The following PPP1R12C variants were observed in gnomAD, a reference collection of about 807,000 sequenced individuals.
The protein encoded by PPP1R12C is leukocyte receptor cluster (LRC) encoded novel gene 3.
Under a neutral mutation model 95.6 loss-of-function variants are expected in PPP1R12C, and 48 were observed. The ratio of observed to expected loss-of-function variants is 0.50; its 90% CI spans 0.40 to 0.64. The LOEUF is 0.64. PPP1R12C is among the 30% of genes least tolerant of loss of function. The pLI, the probability that PPP1R12C is intolerant of heterozygous loss-of-function variation, is 0.00. For missense variants in PPP1R12C, 1,057 were observed against 1,083.3 expected (o/e 0.98, Z 0.34); for synonymous variants, 480 against 460.8 (o/e 1.04, Z -0.53).
rs1198975515 is a variant in PPP1R12C at position 55,113,538 on chromosome 19, G to C, written c.322-743C>G. 2.2e-6 allele frequency: 3 copies of C among 1,370,004 alleles called. No homozygotes were observed. The Admixed American group carries it at 9.5e-5, about 43-fold the overall frequency. 84.9% of individuals were successfully genotyped at this position (1,370,004 alleles called of 1,614,324 possible). On this transcript the variant is annotated intron_variant, in intron 1 of 21. Coordinates refer to ENST00000263433, the MANE Select transcript of PPP1R12C (RefSeq NM_017607.4). ...TTGGGGGGACAAAAGCCGAAGTCCA[G>C]GGGGTCGGAGGAGGGACTTGCCCCA...
rs766556767 is a variant in PPP1R12C at position 55,098,914 on chromosome 19, C to A, written c.876+37G>T. The A allele has an allele frequency of 5.6e-6, 9 of 1,606,326 alleles. No individual in the cohort carries two copies. In the African/African-American group the frequency reaches 1.2e-4, roughly 21 times the overall value. The stretch of plus-strand genomic sequence containing the variant: ...TGAAGGAGGTGCTGGGCCCTCCCCA[C>A]GCCCTGCCCCTCACCAGCCTGGGCA... On this transcript the variant is annotated intron_variant, in intron 5 of 21. Coordinates refer to ENST00000263433, the MANE Select transcript of PPP1R12C (RefSeq NM_017607.4).
intron 6 of PPP1R12C, among the ~76,000 whole-genome samples, chr19:55,097,552 C>CTG (rs1568809817): frequency 1.2e-4 from 2 of 17,024 alleles, no homozygotes; most frequent in Non-Finnish European, 3.3e-4. Flanking sequence ...CGCCCCTTCC[C>CTG]CACGCAGTTC....
In PPP1R12C at chr19:55,091,523, G is replaced by C. The variant is rs148545697; in HGVS notation, c.2298C>G (p.Leu766=). 1.0e-4 allele frequency: 165 copies of C among 1,613,968 alleles called. No individual in the cohort carries two copies. The Admixed American group carries it at 1.3e-3, about 13-fold the overall frequency. Residue 766 remains leucine (L), a synonymous_variant, in exon 22 of 22, where the codon CTC becomes CTG. Coordinates refer to ENST00000263433, the MANE Select transcript of PPP1R12C (RefSeq NM_017607.4). ...LSDLRADNQR[L]KDENAALIRV... The stretch of plus-strand genomic sequence containing the variant: ...GGATCAACGCTGCATTCTCATCCTT[G>C]AGGCGCTGGTTGTCAGCGCGGAGGT...
Position 55,092,643 on chromosome 19 carries a change from G to C in PPP1R12C, c.1931C>G (p.Ala644Gly). ...GPAEGEEAEP[A>G]DRSQESSTLE... The stretch of plus-strand genomic sequence containing the variant: ...CTACCTGGACTCCTGGCTGCGGTCA[G>C]CCGGCTCCGCCTCCTCCCCCTGTGG... Residue 644 changes from alanine (A) to glycine (G), a missense_variant, in exon 17 of 22, where the codon GCT becomes GGT. Ala to Gly is a moderately conservative substitution (Grantham distance 60). Coordinates refer to ENST00000263433, the MANE Select transcript of PPP1R12C (RefSeq NM_017607.4). 1 of 1,532,610 alleles carries C rather than the reference G, an allele frequency of 6.5e-7. No homozygotes were observed. Among genetic ancestry groups the C allele is most frequent in the South Asian group, 1.3e-5 (1 of 77,786 alleles). 94.9% of individuals were successfully genotyped at this position (1,532,610 alleles called of 1,614,324 possible). A position where few individuals can be genotyped will look rare whatever the true frequency, so the allele number is the denominator to read the frequency against.
At chr19:55,106,908 C>A (rs978449889) in intron 3 of PPP1R12C, among the ~76,000 whole-genome samples, 4 of 152,190 alleles carry the variant, frequency 2.6e-5, no homozygotes, top group African/African-American at 9.7e-5. Flanking sequence ...GCATCACGCA[C>A]AGGGCAAGAG....
chr19:55,107,138 G>A (rs1008679091), intron 3 of PPP1R12C, among the ~76,000 whole-genome samples: 1 of 152,048 alleles, frequency 6.6e-6, no homozygotes, highest in Admixed American at 6.6e-5. Flanking sequence ...ATGTGACCAG[G>A]CACGGTGACT....
In PPP1R12C at chr19:55,092,809, C is replaced by T. The variant is rs2084861903; in HGVS notation, c.1885G>A (p.Gly629Arg). 5.8e-6 allele frequency: 9 copies of T among 1,562,522 alleles called. No homozygotes were observed. Among genetic ancestry groups the T allele is most frequent in the African/African-American group, 1.4e-5 (1 of 73,618 alleles). The change falls in exon 16 of 22, where the codon GGA (glycine) becomes AGA (arginine). Residue 629 changes from glycine (G) to arginine (R), a missense_variant. Physicochemically the swap from Gly to Arg is moderately radical, Grantham distance 125. Coordinates refer to ENST00000263433, the MANE Select transcript of PPP1R12C (RefSeq NM_017607.4). ...PQAAREHRKV[G>R]KEWRGPAEGE... ...TCCGCAGGCCCCCTCCACTCCTTTC[C>T]GACCTTGCGGTGCTCCCTGGCCGCC...
Position 55,092,226 on chromosome 19 carries a change from G to A in PPP1R12C, c.2156C>T (p.Thr719Met). 6.4e-7 allele frequency: 1 copy of A among 1,573,876 alleles called. No homozygotes were observed. Among genetic ancestry groups the A allele is most frequent in the East Asian group, 2.3e-5 (1 of 42,670 alleles). ...AQLKVELERA[T>M]QRQERFAERP... Reference sequence around the variant, plus strand: ...CCCTGGCCTCGGCGCCCTTACCTGCGTGGCCCGCTCCAGCTCCACCTTGAG... The same window carrying A: ...CCCTGGCCTCGGCGCCCTTACCTGCATGGCCCGCTCCAGCTCCACCTTGAG... Residue 719 changes from threonine (T) to methionine (M), a missense_variant, in exon 19 of 22, where the codon ACG becomes ATG. Around this residue, in one of 5 missense-constraint regions of PPP1R12C, gnomAD observed 347 missense variants for 307.9 expected, o/e 1.13. Transcript: ENST00000263433.
chr19:55,096,027 G>C, intron 8 of PPP1R12C, 24 bp downstream of exon 8: 1 of 1,608,846 alleles, frequency 6.2e-7, no homozygotes, highest in African/African-American at 1.3e-5. Flanking sequence ...CTCGGACCCA[G>C]GAGTCCAGAT....
chr19:55,097,272 G>A (rs1228223810), intron 6 of PPP1R12C, among the ~76,000 whole-genome samples: 5 of 91,262 alleles, frequency 5.5e-5, no homozygotes, highest in African/African-American at 1.4e-4. Context: ...CGCGCAGTTC[G>A]CAGTTCACCA....
intron 3 of PPP1R12C, among the ~76,000 whole-genome samples, chr19:55,104,120 G>A (rs1349242225): frequency 2.5e-4 from 33 of 132,440 alleles, no homozygotes; most frequent in African/African-American, 5.5e-4. Context: ...CTGAGATCAC[G>A]CCACTGCACT....
At chr19:55,099,564 G>A (rs1012532830) in intron 4 of PPP1R12C, among the ~76,000 whole-genome samples, 2 of 152,192 alleles carry the variant, frequency 1.3e-5, no homozygotes, top group African/African-American at 4.8e-5. Context: ...TCCCCCAGGG[G>A]AGACCCGGCA....
At position 55,091,302 on chromosome 19, in the gene PPP1R12C, G is replaced by A; in HGVS notation, c.*170C>T. 4.3e-6 allele frequency: 3 copies of A among 702,956 alleles called. No individual in the cohort carries two copies. Among genetic ancestry groups the A allele is most frequent in the Non-Finnish European group, 7.0e-6 (3 of 429,244 alleles). The allele number at this position is 702,956 out of a possible 1,614,324, so 43.5% of individuals were successfully genotyped here. A position where few individuals can be genotyped will look rare whatever the true frequency, so the allele number is the denominator to read the frequency against. ...CCCACCTCCATCCTGGCCTCGGGTG[G>A]CCCCCTCGGCTCCTGGGGACTCTGC... is the stretch of plus-strand genomic sequence containing the variant. On this transcript the variant is annotated 3_prime_UTR_variant, in exon 22 of 22. Coordinates refer to ENST00000263433, the MANE Select transcript of PPP1R12C (RefSeq NM_017607.4).
At chr19:55,099,396 G>A (rs1228158267) in intron 4 of PPP1R12C, among the ~76,000 whole-genome samples, 4 of 152,194 alleles carry the variant, frequency 2.6e-5, no homozygotes, top group Non-Finnish European at 5.9e-5. Context: ...TGGCAGCAGC[G>A]GGGTGTAAGG....
chr19:55,116,663 G>A (rs1603013805), intron 1 of PPP1R12C, among the ~76,000 whole-genome samples: 2 of 152,170 alleles, frequency 1.3e-5, no homozygotes, highest in Non-Finnish European at 2.9e-5. Flanking sequence ...AGACGGCAGC[G>A]TTAGAGGGCA....
intron 6 of PPP1R12C, among the ~76,000 whole-genome samples, chr19:55,098,386 T>C (rs2084945587): frequency 6.6e-6 from 1 of 152,230 alleles, no homozygotes; most frequent in Non-Finnish European, 1.5e-5. Flanking sequence ...ACTCTAAGTT[T>C]TCCCAGCAAG....
chr19:55,113,339 G>C lies in PPP1R12C; in HGVS notation c.322-544C>G, dbSNP rs1179877828. 5 of 1,306,370 alleles carry C rather than the reference G, an allele frequency of 3.8e-6. No homozygotes were observed. The East Asian group carries it at 1.1e-4, about 29-fold the overall frequency. The allele number at this position is 1,306,370 out of a possible 1,614,324, so 80.9% of individuals were successfully genotyped here. On this transcript the variant is annotated intron_variant, in intron 1 of 21. Transcript: ENST00000263433. ...GTGGAGGAAGGCCACCCTGTGCTGGGACAGACTCAGGGGCCTGGGCGGGAC... is the reference window on the plus strand; with the variant it reads ...GTGGAGGAAGGCCACCCTGTGCTGGCACAGACTCAGGGGCCTGGGCGGGAC...
chr19:55,093,178 T>C lies in PPP1R12C; in HGVS notation c.1739A>G (p.Glu580Gly). 6.2e-7 allele frequency: 1 copy of C among 1,613,640 alleles called. No homozygotes were observed. Reference protein sequence around the residue: ...EAEKAAGKAPESEKPAQSLDP... With the variant: ...EAEKAAGKAPGSEKPAQSLDP... ...CAGGCTCTGCGCCGGCTTCTCTGAC[T>C]CTGGGGCCTTCCCTGCAGCCTTCTC... Residue 580 changes from glutamate (E) to glycine (G), a missense_variant, in exon 14 of 22, where the codon GAG (glutamate) becomes GGG (glycine). Glu to Gly is a moderately conservative substitution (Grantham distance 98, BLOSUM62 -2). Coordinates refer to ENST00000263433, the MANE Select transcript of PPP1R12C (RefSeq NM_017607.4).
intron 6 of PPP1R12C, 113 bp from the exon 7 acceptor site, chr19:55,096,448 G>C (rs988748854): frequency 6.3e-6 from 8 of 1,274,144 alleles, no homozygotes; most frequent in East Asian, 4.6e-5. Context: ...CCGAGGGCTC[G>C]TGGGCTTACT....
Sources: gnomAD v4.1 joint callset for allele counts (sites outside exome capture counted in the v4.1 genomes callset) on GRCh38, gnomAD v4.1.1 for gene constraint, gnomAD v4.1.1 regional missense constraint, MANE v1.5 for transcripts, NCBI Gene and HGNC (gene_info 2026-07-23, HGNC 2026-07-21) for gene names.